ENTPD5: variants seen among roughly 807,000 people sequenced by gnomAD.
ENTPD5 encodes the protein nucleoside diphosphate phosphatase ENTPD5.
ENTPD5 carries 49 observed loss-of-function variants against 60.2 expected under a neutral mutation model. The observed-to-expected ratio is 0.81, with a 90% CI of 0.65 to 1.03. The LOEUF (loss-of-function observed/expected upper bound fraction) is 1.03. Ranked by LOEUF, ENTPD5 falls within the 50% of genes least tolerant of loss-of-function variation. The pLI, the probability that ENTPD5 is intolerant of heterozygous loss-of-function variation, is 0.00. For missense variants in ENTPD5, 480 were observed against 507.6 expected, an observed-to-expected ratio of 0.95 and a Z score of 0.52; for synonymous variants, 187 against 185.4, an observed-to-expected ratio of 1.01 and a Z score of -0.07.
At chr14:74,001,859 T>C (rs1343288444) in intron 3 of ENTPD5, among the ~76,000 whole-genome samples, 2 of 151,774 alleles carry the variant, frequency 1.3e-5, no homozygotes, top group Non-Finnish European at 2.9e-5. Flanking sequence ...TCTCAAATAA[T>C]AATAATTAAA....
downstream of ENTPD5, chr14:73,957,945 A>G: frequency 1.8e-6 from 1 of 559,514 alleles, no homozygotes. Context: ...TGAGAACTTC[A>G]ATGTCTTTTT....
At chr14:74,001,158 G>C (rs1191034042) in intron 3 of ENTPD5, among the ~76,000 whole-genome samples, 1 of 151,852 alleles carries the variant, frequency 6.6e-6, no homozygotes, top group South Asian at 2.1e-4. Flanking sequence ...AAGAGTTTGA[G>C]ACTAGCCTGG....
chr14:73,959,221 C>G (rs780163765), downstream of ENTPD5: 4 of 1,614,100 alleles, frequency 2.5e-6, no homozygotes, highest in East Asian at 8.9e-5. Flanking sequence ...TTGCTCTGCT[C>G]CCGGTAAGAG....
intron 1 of ENTPD5, among the ~76,000 whole-genome samples, chr14:74,017,190 T>C (rs940930745): frequency 6.6e-6 from 1 of 152,122 alleles, no homozygotes; most frequent in African/African-American, 2.4e-5. Context: ...TGGTGGCGCA[T>C]GCCTGGATTC....
chr14:73,983,110 G>C lies in ENTPD5; in HGVS notation c.349C>G (p.Arg117Gly). 1 of 1,614,070 alleles carries C rather than the reference G, an allele frequency of 6.2e-7. No homozygotes were observed. The highest frequency in any genetic ancestry group is 8.5e-7 in the Non-Finnish European group (1 of 1,179,970). The change falls in exon 6 of 16, where the codon CGA becomes GGA. Residue 117 changes from arginine to glycine, a missense_variant. Transcript: ENST00000334696. The part of the protein sequence containing the change: ...LLEVAKDSIP[R>G]SHWKKTPVVL... ...ACTGGGGTCTTTTTCCAGTGACTTC[G>C]GGGGATTGAGTCTTTGGCCACCTCT...
At position 73,975,954 on chromosome 14, in the gene ENTPD5, TA is replaced by T. The variant is rs2057424853; in HGVS notation, c.703del (p.Tyr235IlefsTer13). On this transcript the variant is annotated frameshift_variant, in exon 10 of 16. Coordinates refer to ENST00000334696, the MANE Select transcript of ENTPD5 (RefSeq NM_001249.5). LOFTEE classifies it high-confidence loss of function. ...TCCTCACCTATGTGTATAGAGCTTA[TA>T]AGTGCTGTTAAACATCTCAAAGGAA... is the stretch of plus-strand genomic sequence containing the variant. ...LTSFEMFNST[Y>X]KLYTHSYLGF... 1.2e-6 allele frequency: 2 copies of T among 1,612,930 alleles called. No homozygotes were observed. The highest frequency in any genetic ancestry group is 1.7e-6 in the Non-Finnish European group (2 of 1,179,202).
chr14:73,959,914 G>A, downstream of ENTPD5: 1 of 1,181,486 alleles, frequency 8.5e-7, no homozygotes, highest in Non-Finnish European at 1.1e-6. Flanking sequence ...CCAGTCAGCT[G>A]TCCCTTTCTA....
At chr14:73,993,560 G>A (rs1329296855) in intron 3 of ENTPD5, among the ~76,000 whole-genome samples, 1 of 152,116 alleles carries the variant, frequency 6.6e-6, no homozygotes, top group African/African-American at 2.4e-5. Context: ...TAGCTGCCTG[G>A]CCAGGTTCAC....
At position 73,977,018 on chromosome 14, in the gene ENTPD5, T is replaced by C. The variant is rs772691448; in HGVS notation, c.553+6A>G. On this transcript the variant is annotated splice_donor_region_variant and intron_variant, in intron 8 of 15. Coordinates refer to ENST00000334696, the MANE Select transcript of ENTPD5 (RefSeq NM_001249.5). ...AGCTCTAAAGATAAACTTGAGGATGTATTACCTGTCAGAAAATTCACAGTA... is the reference window on the plus strand; with the variant it reads ...AGCTCTAAAGATAAACTTGAGGATGCATTACCTGTCAGAAAATTCACAGTA... The C allele has an allele frequency of 3.1e-6, 5 of 1,610,758 alleles. No homozygotes were observed. In the South Asian group the frequency reaches 5.5e-5, roughly 18 times the overall value.
chr14:73,976,536 C>T (rs1320477656), intron 8 of ENTPD5, 124 bp from the exon 9 acceptor site: 1 of 704,880 alleles, frequency 1.4e-6, no homozygotes, highest in Non-Finnish European at 2.4e-6. Flanking sequence ...AGCCCCAAGG[C>T]TGCAGGTGAA....
At chr14:74,008,482 G>A (rs866572665) in intron 3 of ENTPD5, among the ~76,000 whole-genome samples, 3 of 150,200 alleles carry the variant, frequency 2.0e-5, no homozygotes, top group Non-Finnish European at 4.4e-5. Context: ...TCCGCCTCCC[G>A]CAGGTTCACG....
At chr14:74,004,112 A>T (rs1046243249) in intron 3 of ENTPD5, among the ~76,000 whole-genome samples, 3 of 152,206 alleles carry the variant, frequency 2.0e-5, no homozygotes, top group Non-Finnish European at 4.4e-5. Flanking sequence ...CTCAAAAAAT[A>T]AATTAATTAA....
At position 73,966,772 on chromosome 14, in the gene ENTPD5, G is replaced by C; in HGVS notation, c.*156C>G. 1.7e-6 allele frequency: 1 copy of C among 603,982 alleles called. No individual in the cohort carries two copies. Among genetic ancestry groups the C allele is most frequent in the Non-Finnish European group, 2.9e-6 (1 of 341,626 alleles). 37.4% of individuals were successfully genotyped at this position (603,982 alleles called of 1,614,324 possible). On this transcript the variant is annotated 3_prime_UTR_variant, in exon 16 of 16. Coordinates refer to ENST00000334696, the MANE Select transcript of ENTPD5 (RefSeq NM_001249.5). ...GGTGCCAGCTGTGTACTCTTGAGTG[G>C]TTAGGCAGCAGTTCACATTAGATGT...
chr14:73,974,114 A>T (rs1566716466), intron 11 of ENTPD5, 136 bp from the exon 12 acceptor site: 3 of 681,530 alleles, frequency 4.4e-6, no homozygotes, highest in Non-Finnish European at 7.6e-6. Context: ...ATTCCATGAC[A>T]ACATCCTGTG....
At chr14:73,961,054 G>A (rs2056698874), downstream of ENTPD5, 2 of 1,141,688 alleles carry the variant, frequency 1.8e-6, no homozygotes, top group Non-Finnish European at 2.5e-6. Context: ...CAAGATCAGT[G>A]TAGGCAAGTT....
chr14:73,981,011 A>T (rs1330935596), intron 6 of ENTPD5, among the ~76,000 whole-genome samples: 1 of 152,126 alleles, frequency 6.6e-6, no homozygotes, highest in Non-Finnish European at 1.5e-5. Context: ...AGGCAGGAGA[A>T]TCGCTTGAAT....
Position 73,964,218 on chromosome 14 carries a change from GAT to G in ENTPD5, c.*2708_*2709del, listed in dbSNP as rs2056880635. 6.8e-6 allele frequency: 1 copy of G among 147,716 alleles called. No homozygotes were observed. The highest frequency in any genetic ancestry group is 2.7e-5 in the African/African-American group (1 of 37,268). 9.2% of individuals were successfully genotyped at this position (147,716 alleles called of 1,614,324 possible). The stretch of plus-strand genomic sequence containing the variant: ...CAGAGAGTGTTCTTCATATGACAAT[GAT>G]GTTAAACACCATCTGTCACGTACCA... On this transcript the variant is annotated 3_prime_UTR_variant, in exon 16 of 16. Coordinates refer to ENST00000334696, the MANE Select transcript of ENTPD5 (RefSeq NM_001249.5).
intron 3 of ENTPD5, among the ~76,000 whole-genome samples, chr14:73,994,664 C>T (rs954299658): frequency 4.0e-5 from 6 of 149,060 alleles, no homozygotes; most frequent in East Asian, 4.0e-4. Flanking sequence ...ACCCGGGAGG[C>T]GGAGGTTGCA....
intron 3 of ENTPD5, among the ~76,000 whole-genome samples, chr14:73,999,094 G>GTA (rs2058425241): frequency 6.6e-6 from 1 of 151,852 alleles, no homozygotes; most frequent in Non-Finnish European, 1.5e-5. Context: ...TGCCAGAAAA[G>GTA]TAAAGGTGAG....
Sources: allele counts gnomAD v4.1 joint callset (sites outside exome capture counted in the v4.1 genomes callset), GRCh38; gene constraint gnomAD v4.1.1; transcripts MANE v1.5; gene names NCBI Gene and HGNC (gene_info 2026-07-23, HGNC 2026-07-21).